Variants in KBTBD11 observed in about 807,000 individuals in gnomAD.
KBTBD11 encodes the protein kelch repeat and BTB domain containing 11.
For synonymous variants in KBTBD11, 747 were observed against 499.0 expected (o/e 1.50, Z -6.63); for missense variants, 1,390 against 1,001.8 (o/e 1.39, Z -5.23).
Position 2,002,985 on chromosome 8 carries a change from T to C in KBTBD11, c.1793T>C (p.Leu598Ser). 1 of 1,309,670 alleles carries C rather than the reference T, an allele frequency of 7.6e-7. No homozygotes were observed. The highest frequency in any genetic ancestry group is 9.7e-7 in the Non-Finnish European group (1 of 1,030,640). The allele number at this position is 1,309,670 out of a possible 1,614,324, so 81.1% of individuals were successfully genotyped here. A position where few individuals can be genotyped will look rare whatever the true frequency, so the allele number is the denominator to read the frequency against. ...GGCTTCGAGGCGCTGGGCGCCCCCTTGGACGTCCGGGGTGTGCTCATCCCG... is the reference window on the plus strand; with the variant it reads ...GGCTTCGAGGCGCTGGGCGCCCCCTCGGACGTCCGGGGTGTGCTCATCCCG... ...GGGFEALGAP[L>S]DVRGVLIPFA... is the part of the protein sequence containing the mutation. Residue 598 changes from leucine (L) to serine (S), a missense_variant, in exon 2 of 2, where the codon TTG becomes TCG. Transcript: ENST00000320248. This position sits in a 1 kb window ranked among gnomAD's most constrained non-coding sequence, Gnocchi z 4.1.
Position 2,001,980 on chromosome 8 carries a change from A to C in KBTBD11, c.788A>C (p.Tyr263Ser). 1.4e-6 allele frequency: 2 copies of C among 1,451,558 alleles called. No individual in the cohort carries two copies. Among genetic ancestry groups the C allele is most frequent in the Non-Finnish European group, 9.1e-7 (1 of 1,097,082 alleles). 89.9% of individuals were successfully genotyped at this position (1,451,558 alleles called of 1,614,324 possible). A position where few individuals can be genotyped will look rare whatever the true frequency, so the allele number is the denominator to read the frequency against. Reference protein sequence around the residue: ...DAAYCFMSDHYLEVLREPAVF... With the variant: ...DAAYCFMSDHSLEVLREPAVF... ...GCCTACTGCTTCATGAGCGACCACT[A>C]TCTGGAGGTGCTGCGCGAGCCCGCC... The change falls in exon 2 of 2, where the codon TAT becomes TCT. Residue 263 changes from tyrosine (Y) to serine (S), a missense_variant. Transcript: ENST00000320248.
At chr8:1,997,854 A>T (rs1585753055) in intron 1 of KBTBD11, among the ~76,000 whole-genome samples, 2 of 152,256 alleles carry the variant, frequency 1.3e-5, no homozygotes, top group African/African-American at 4.8e-5. Flanking sequence ...GCCAAAGGGC[A>T]CGCAGGGGGA....
At chr8:1,985,857 A>G (rs1185020506) in intron 1 of KBTBD11, among the ~76,000 whole-genome samples, 1 of 152,236 alleles carries the variant, frequency 6.6e-6, no homozygotes, top group Admixed American at 6.5e-5. Flanking sequence ...ATTTAGTGAG[A>G]CGTTAAAAGA....
At chr8:1,984,059 G>C (rs982164190) in intron 1 of KBTBD11, among the ~76,000 whole-genome samples, 5 of 152,332 alleles carry the variant, frequency 3.3e-5, no homozygotes, top group African/African-American at 9.6e-5. Context: ...GAACCTGGGT[G>C]GTAGAGGTTG....
chr8:1,981,493 A>G (rs1816539515), intron 1 of KBTBD11, among the ~76,000 whole-genome samples: 1 of 152,338 alleles, frequency 6.6e-6, no homozygotes, highest in Non-Finnish European at 1.5e-5. Flanking sequence ...TGTGATGGTT[A>G]ATTTCAAGGT....
intron 1 of KBTBD11, among the ~76,000 whole-genome samples, chr8:1,994,395 TG>T (rs1443705727): frequency 8.5e-5 from 13 of 152,226 alleles, no homozygotes; most frequent in Admixed American, 8.5e-4. Context: ...CCAGAGGCTT[TG>T]CTCAGCCCCG....
At chr8:1,974,278 GACGC>G (rs1816240188) in intron 1 of KBTBD11, 18 of 982,448 alleles carry the variant, frequency 1.8e-5, no homozygotes, top group South Asian at 4.7e-5. Flanking sequence ...CCTCCCCCGG[GACGC>G]GGCAACCCCG....
chr8:1,982,680 A>C (rs1045426915), intron 1 of KBTBD11, among the ~76,000 whole-genome samples: 5 of 152,220 alleles, frequency 3.3e-5, no homozygotes, highest in African/African-American at 1.2e-4. Flanking sequence ...CAATGCAAGC[A>C]GCATTTTATA....
At chr8:1,986,675 G>T (rs1816715061) in intron 1 of KBTBD11, among the ~76,000 whole-genome samples, 1 of 152,108 alleles carries the variant, frequency 6.6e-6, no homozygotes, top group Non-Finnish European at 1.5e-5. Flanking sequence ...AGGTTGTATG[G>T]TTTGCATTCA....
chr8:1,999,996 C>T (rs1053525055), intron 1 of KBTBD11, among the ~76,000 whole-genome samples: 6 of 152,144 alleles, frequency 3.9e-5, no homozygotes, highest in African/African-American at 7.2e-5. Flanking sequence ...ATGGTTCAAC[C>T]GATGCGTGTC....
intron 1 of KBTBD11, among the ~76,000 whole-genome samples, chr8:1,991,992 G>A (rs1037773649): frequency 1.3e-5 from 2 of 152,118 alleles, no homozygotes; most frequent in Non-Finnish European, 2.9e-5. Flanking sequence ...GGAAGTGCCA[G>A]AGATGGGAGG....
chr8:1,989,267 A>G (rs1262966670), intron 1 of KBTBD11, among the ~76,000 whole-genome samples: 1 of 152,244 alleles, frequency 6.6e-6, no homozygotes, highest in Admixed American at 6.5e-5. Flanking sequence ...ACCTAGAGTA[A>G]GATTTGTACT....
At chr8:1,994,147 A>T (rs920789146) in intron 1 of KBTBD11, among the ~76,000 whole-genome samples, 1 of 152,082 alleles carries the variant, frequency 6.6e-6, no homozygotes, top group African/African-American at 2.4e-5. Context: ...GGAAATTCCC[A>T]ATAATTTTAC....
chr8:1,984,750 C>G (rs543463850), intron 1 of KBTBD11, among the ~76,000 whole-genome samples: 51 of 152,208 alleles, frequency 3.4e-4, no homozygotes, highest in African/African-American at 1.2e-3. Flanking sequence ...TTGAAACAAA[C>G]TGTGATTAGT....
rs1315455394 is a variant in KBTBD11 at position 2,001,132 on chromosome 8, T to G, written c.-61T>G. The G allele has an allele frequency of 4.7e-6, 6 of 1,281,534 alleles. No individual in the cohort carries two copies. In the East Asian group the frequency reaches 1.9e-4, roughly 40 times the overall value. 79.4% of individuals were successfully genotyped at this position (1,281,534 alleles called of 1,614,324 possible). ...GAAACCCCGGAGTAAGGCTCGACCT[T>G]GGCCAGACCTGCAGGCTGCGGAACC... On this transcript the variant is annotated 5_prime_UTR_variant, in exon 2 of 2. Transcript: ENST00000320248.
chr8:1,977,320 C>T (rs552197897), intron 1 of KBTBD11, among the ~76,000 whole-genome samples: 3 of 152,064 alleles, frequency 2.0e-5, no homozygotes, highest in Non-Finnish European at 2.9e-5. Context: ...ACCACGGTGC[C>T]GATGTTAGCT....
rs1021916550 is a variant in KBTBD11 at position 2,000,509 on chromosome 8, C to G, written c.-684C>G. On this transcript the variant is annotated 5_prime_UTR_variant, in exon 2 of 2. Transcript: ENST00000320248. ...CAGCACACAGGACCAGTGTCCTCCC[C>G]GTGACCTTGCAGTTGTGTAGCCACA... is the stretch of plus-strand genomic sequence containing the variant. The G allele has an allele frequency of 7.2e-5, 11 of 152,180 alleles. No homozygotes were observed. Among genetic ancestry groups the G allele is most frequent in the African/African-American group, 2.7e-4 (11 of 41,436 alleles). 9.4% of individuals were successfully genotyped at this position (152,180 alleles called of 1,614,324 possible).
chr8:2,001,688 C>A lies in KBTBD11; in HGVS notation c.496C>A (p.Arg166Ser), dbSNP rs992358430. The A allele has an allele frequency of 9.8e-6, 14 of 1,425,958 alleles. No individual in the cohort carries two copies. The African/African-American group carries it at 2.1e-4, about 21-fold the overall frequency. The allele number at this position is 1,425,958 out of a possible 1,614,324, so 88.3% of individuals were successfully genotyped here. Residue 166 changes from arginine to serine, a missense_variant, in exon 2 of 2, where the codon CGC becomes AGC. By Grantham distance (110) the Arg-to-Ser change is moderately radical. Coordinates refer to ENST00000320248, the MANE Select transcript of KBTBD11 (RefSeq NM_014867.3). ...GCTGGCGGCGCGCAGCGACTACTTC[C>A]GCGCGCGCGCGTCGCGGGACGTGCT... Reference protein sequence around the residue: ...AVLAARSDYFRARASRDVLRV... With the variant: ...AVLAARSDYFSARASRDVLRV...
In KBTBD11 at chr8:1,982,460, C is replaced by A. The variant is rs138570492; in HGVS notation, c.-909+8525C>A. Among the ~76,000 whole-genome samples the A allele has an allele frequency of 9.0e-4, 137 of 151,432 alleles. 1 individual carries two copies. Among genetic ancestry groups the A allele is most frequent in the African/African-American group, 3.1e-3 (128 of 41,482 alleles). ...TTCTCCAATCAAGAGACATAGAGTG[C>A]ATGAATGGGTTAAAAAAACATATAA... On this transcript the variant is annotated intron_variant, in intron 1 of 1. Coordinates refer to ENST00000320248, the MANE Select transcript of KBTBD11 (RefSeq NM_014867.3).
Sources: allele counts gnomAD v4.1 joint callset (sites outside exome capture counted in the v4.1 genomes callset), GRCh38; gene constraint gnomAD v4.1.1; non-coding constraint Gnocchi (gnomAD v3.1); transcripts MANE v1.5; gene names NCBI Gene and HGNC (gene_info 2026-07-23, HGNC 2026-07-21).